The following THRB variants were observed in gnomAD, a reference collection of about 807,000 sequenced individuals.
THRB encodes thyroid hormone receptor beta.
A neutral mutation model predicts 47.8 loss-of-function variants in THRB; 12 were observed. That is an observed-to-expected ratio of 0.25 (90% CI 0.16 to 0.41). THRB has a LOEUF of 0.41. Ranked by LOEUF, THRB falls within the 10% of genes least tolerant of loss-of-function variation. THRB has a pLI of 1.00. For synonymous variants in THRB, 218 were observed against 212.2 expected (o/e 1.03, Z -0.24); for missense variants, 348 against 589.2 (o/e 0.59, Z 4.24).
At chr3:24,475,394 A>G (rs1339088533) in intron 1 of THRB, among the ~76,000 whole-genome samples, 2 of 152,154 alleles carry the variant, frequency 1.3e-5, no homozygotes, top group African/African-American at 4.8e-5. Context: ...AATATCTTCA[A>G]TATACTTTCT....
intron 2 of THRB, among the ~76,000 whole-genome samples, chr3:24,321,964 T>A (rs1165479055): frequency 6.6e-6 from 1 of 151,488 alleles, no homozygotes; most frequent in Non-Finnish European, 1.5e-5. Context: ...AATTTCACCT[T>A]TTTTTTTAAT....
intron 1 of THRB, among the ~76,000 whole-genome samples, chr3:24,434,166 G>A (rs2070714429): frequency 6.6e-6 from 1 of 152,044 alleles, no homozygotes; most frequent in African/African-American, 2.4e-5. Flanking sequence ...GATGAAGAGA[G>A]GACTAGCAGT....
intron 9 of THRB, among the ~76,000 whole-genome samples, chr3:24,133,047 C>G (rs970570752): frequency 6.6e-6 from 1 of 152,168 alleles, no homozygotes; most frequent in Non-Finnish European, 1.5e-5. Flanking sequence ...TAAATGGAAT[C>G]TATTGCTATC....
intron 1 of THRB, among the ~76,000 whole-genome samples, chr3:24,413,687 A>T (rs986043455): frequency 1.1e-4 from 16 of 151,654 alleles, no homozygotes; most frequent in Non-Finnish European, 8.8e-5. Flanking sequence ...CATTTACATT[A>T]GGTATACCTC....
At chr3:24,136,703 C>T (rs1186954790) in intron 8 of THRB, among the ~76,000 whole-genome samples, 1 of 152,194 alleles carries the variant, frequency 6.6e-6, no homozygotes, top group Non-Finnish European at 1.5e-5. Context: ...GTAGATTCAC[C>T]ACTGTAGACC....
intron 1 of THRB, among the ~76,000 whole-genome samples, chr3:24,463,712 T>C (rs2073894057): frequency 6.6e-6 from 1 of 152,238 alleles, no homozygotes; most frequent in South Asian, 2.1e-4. Context: ...GTATACTTGA[T>C]TTGGACTTAG....
intron 5 of THRB, among the ~76,000 whole-genome samples, chr3:24,161,092 G>T (rs954601093): frequency 6.6e-6 from 1 of 152,192 alleles, no homozygotes; most frequent in African/African-American, 2.4e-5. Flanking sequence ...AACGATTATT[G>T]CTCCTTACTT....
At chr3:24,436,112 T>C (rs1470740229) in intron 1 of THRB, among the ~76,000 whole-genome samples, 1 of 151,350 alleles carries the variant, frequency 6.6e-6, no homozygotes, top group Non-Finnish European at 1.5e-5. Flanking sequence ...AGGAAAGAAA[T>C]AACACTGGTA....
rs1233414796 is a variant in THRB, at chr3:24,122,764, TCC to T, written c.*118_*119del. On this transcript the variant is annotated 3_prime_UTR_variant, in exon 11 of 11. Coordinates refer to ENST00000646209, the MANE Select transcript of THRB (RefSeq NM_001354712.2). ...ATCCATGTCTATGCCAAGGACTACT[TCC>T]CTTTTCCCTCCCAAATAATCCCTCC... 7.0e-7 allele frequency: 1 copy of T among 1,436,882 alleles called. No individual in the cohort carries two copies. Among genetic ancestry groups the T allele is most frequent in the Admixed American group, 1.7e-5 (1 of 58,942 alleles). 89.0% of individuals were successfully genotyped at this position (1,436,882 alleles called of 1,614,324 possible). A position where few individuals can be genotyped will look rare whatever the true frequency, so the allele number is the denominator to read the frequency against.
rs867189596 is a variant in THRB, at chr3:24,332,016, C to T, written c.-189+5284G>A. Among the ~76,000 whole-genome samples the T allele has an allele frequency of 1.2e-4, 19 of 152,256 alleles. No individual in the cohort carries two copies. In the Middle Eastern group the frequency reaches 0.014, roughly 110 times the overall value. ...TCTGCTAGGTGTCTCCGCAATGTTC[C>T]CTCACAACGAAATCCCACTTTCATT... On this transcript the variant is annotated intron_variant, in intron 2 of 10. Transcript: ENST00000646209.
chr3:24,377,221 G>A (rs573616401), intron 1 of THRB, among the ~76,000 whole-genome samples: 30 of 152,048 alleles, frequency 2.0e-4, no homozygotes, highest in African/African-American at 5.3e-4. Context: ...CTACTTTTAA[G>A]AACACAAATT....
intron 3 of THRB, among the ~76,000 whole-genome samples, chr3:24,256,773 G>C (rs1299196618): frequency 3.3e-5 from 5 of 152,284 alleles, no homozygotes; most frequent in South Asian, 4.1e-4. Flanking sequence ...GAGAAGGTGA[G>C]GTTATTTGAT....
rs758206282 is a variant in THRB at position 24,243,311 on chromosome 3, C to T, written c.-42-14310G>A. On this transcript the variant is annotated intron_variant, in intron 3 of 10. Coordinates refer to ENST00000646209, the MANE Select transcript of THRB (RefSeq NM_001354712.2). ...AAATGGCATTCCAACAGGTAGGATA[C>T]GATTCCGCTCCTGTCACCCCTCTGC... is the stretch of plus-strand genomic sequence containing the variant. 1.7e-4 allele frequency among the ~76,000 whole-genome samples: 26 copies of T among 152,152 alleles called. 1 individual carries two copies. In the South Asian group the frequency reaches 1.9e-3, roughly 11 times the overall value.
intron 5 of THRB, among the ~76,000 whole-genome samples, chr3:24,166,895 A>C (rs1289964038): frequency 2.0e-5 from 3 of 152,180 alleles, no homozygotes; most frequent in African/African-American, 7.2e-5. Flanking sequence ...GGACAGGGAC[A>C]TATGGCAGAA....
At chr3:24,163,816 T>C (rs1030290876) in intron 5 of THRB, among the ~76,000 whole-genome samples, 3 of 152,136 alleles carry the variant, frequency 2.0e-5, no homozygotes, top group Admixed American at 6.5e-5. Context: ...TTGGAAGTTA[T>C]AGAATAACAT....
At chr3:24,359,341 G>A (rs113751383) in intron 1 of THRB, among the ~76,000 whole-genome samples, 23 of 152,172 alleles carry the variant, frequency 1.5e-4, no homozygotes, top group African/African-American at 5.1e-4. Context: ...GCAGCTTCAG[G>A]GTAGTTGGAA....
At chr3:24,364,977 C>T (rs538133201) in intron 1 of THRB, among the ~76,000 whole-genome samples, 1 of 152,226 alleles carries the variant, frequency 6.6e-6, no homozygotes, top group South Asian at 2.1e-4. Context: ...TGCCCATTTT[C>T]AAAAATCTTA....
intron 1 of THRB, among the ~76,000 whole-genome samples, chr3:24,483,344 T>A (rs56783261): frequency 0.022 from 3,348 of 152,236 alleles, 70 homozygotes; most frequent in East Asian, 0.08. Context: ...TTGGTATTTT[T>A]AAGTCAAGAT....
At chr3:24,348,795 T>C (rs576664896) in intron 1 of THRB, 5 of 152,100 alleles carry the variant, frequency 3.3e-5, no homozygotes, top group Non-Finnish European at 7.4e-5. Context: ...ATGATGAATA[T>C]TGAAAGTTTC....
Sources: gnomAD v4.1 joint callset for allele counts (sites outside exome capture counted in the v4.1 genomes callset) on GRCh38, gnomAD v4.1.1 for gene constraint, MANE v1.5 for transcripts, NCBI Gene and HGNC (gene_info 2026-07-23, HGNC 2026-07-21) for gene names.